PPP3CA: variants seen among roughly 807,000 people sequenced by gnomAD.
PPP3CA encodes CAM-PRP catalytic subunit.
A neutral mutation model predicts 66.5 loss-of-function variants in PPP3CA; 14 were observed. The ratio of observed to expected loss-of-function variants is 0.21; its 90% confidence interval spans 0.14 to 0.33. The LOEUF is 0.33. Among genes scored for constraint, PPP3CA ranks in the 10% least tolerant of loss-of-function variants. PPP3CA has a pLI of 1.00. For synonymous variants in PPP3CA, 232 were observed against 226.2 expected, an observed-to-expected ratio of 1.03 and a Z score of -0.23; for missense variants, 317 against 639.5, an observed-to-expected ratio of 0.50 and a Z score of 5.44.
At chr4:101,240,961 C>T (rs1726287017) in intron 1 of PPP3CA, 1 of 152,018 alleles carries the variant, frequency 6.6e-6, no homozygotes, top group African/African-American at 2.4e-5. Flanking sequence ...CCTTGACCTC[C>T]CAGGCTTAAG....
intron 1 of PPP3CA, among the ~76,000 whole-genome samples, chr4:101,339,322 A>C (rs3974659): frequency 0.11 from 16,159 of 152,174 alleles, 2,915 homozygotes; most frequent in African/African-American, 0.37. Context: ...ATAATCAAAC[A>C]CTCAGTGATT....
intron 1 of PPP3CA, among the ~76,000 whole-genome samples, chr4:101,318,738 G>T (rs1428688549): frequency 6.6e-6 from 1 of 152,064 alleles, no homozygotes; most frequent in Non-Finnish European, 1.5e-5. Context: ...TCTTAAAGTT[G>T]GGGTCCAAAA....
chr4:101,304,723 G>C (rs1354247440), intron 1 of PPP3CA, among the ~76,000 whole-genome samples: 3 of 152,064 alleles, frequency 2.0e-5, no homozygotes, highest in Admixed American at 6.6e-5. Flanking sequence ...AAACTTCTAG[G>C]ATAGTCACAG....
intron 1 of PPP3CA, among the ~76,000 whole-genome samples, chr4:101,285,613 GT>G (rs1727821496): frequency 7.2e-6 from 1 of 139,116 alleles, no homozygotes; most frequent in Non-Finnish European, 1.5e-5. Context: ...GTGTGTGTGT[GT>G]GTGTGTGTGT....
intron 8 of PPP3CA, among the ~76,000 whole-genome samples, chr4:101,077,919 A>G (rs1231696108): frequency 6.6e-6 from 1 of 151,970 alleles, no homozygotes; most frequent in Non-Finnish European, 1.5e-5. Context: ...TACTGGTCTC[A>G]GGCAAAACTG....
intron 1 of PPP3CA, among the ~76,000 whole-genome samples, chr4:101,328,405 T>C (rs897655111): frequency 5.3e-5 from 8 of 152,164 alleles, no homozygotes; most frequent in African/African-American, 1.9e-4. Context: ...AAGTAGTAAA[T>C]GAAAAATTCT....
chr4:101,253,733 C>T (rs1726749560), intron 1 of PPP3CA, among the ~76,000 whole-genome samples: 1 of 152,040 alleles, frequency 6.6e-6, no homozygotes, highest in African/African-American at 2.4e-5. Flanking sequence ...TAAGAGCTTA[C>T]TCCATCCTCT....
At chr4:101,324,154 G>GGGAGGAAGGGAGGA (rs1729130998) in intron 1 of PPP3CA, among the ~76,000 whole-genome samples, 4 of 66,484 alleles carry the variant, frequency 6.0e-5, no homozygotes, top group African/African-American at 2.0e-4. Context: ...GGAAGGGAGG[G>GGGAGGAAGGGAGGA]AGGAAGGAAG....
chr4:101,199,882 T>A (rs540365468), intron 1 of PPP3CA, among the ~76,000 whole-genome samples: 1 of 152,340 alleles, frequency 6.6e-6, no homozygotes, highest in Non-Finnish European at 1.5e-5. Flanking sequence ...CATATTGGCA[T>A]CTATATAACT....
chr4:101,190,650 T>C (rs982287386), intron 2 of PPP3CA, among the ~76,000 whole-genome samples: 1 of 152,170 alleles, frequency 6.6e-6, no homozygotes, highest in African/African-American at 2.4e-5. Flanking sequence ...TTTTGTTTGA[T>C]ACACTGTTCC....
intron 1 of PPP3CA, among the ~76,000 whole-genome samples, chr4:101,320,643 G>A (rs773706298): frequency 7.2e-5 from 11 of 152,064 alleles, no homozygotes; most frequent in Non-Finnish European, 1.3e-4. Context: ...TAAAAACCTT[G>A]CCTAAAACAT....
At chr4:101,232,870 G>A (rs1726007512) in intron 1 of PPP3CA, among the ~76,000 whole-genome samples, 1 of 150,920 alleles carries the variant, frequency 6.6e-6, no homozygotes, top group Non-Finnish European at 1.5e-5. Flanking sequence ...TCTATATTCT[G>A]GTATTCTAAC....
intron 2 of PPP3CA, among the ~76,000 whole-genome samples, chr4:101,114,593 C>T (rs2110268020): frequency 6.6e-6 from 1 of 152,206 alleles, no homozygotes; most frequent in Non-Finnish European, 1.5e-5. Flanking sequence ...GATGTTTATA[C>T]ACTATCACTT....
At chr4:101,064,666 T>C (rs1445452712) in intron 8 of PPP3CA, among the ~76,000 whole-genome samples, 1 of 152,066 alleles carries the variant, frequency 6.6e-6, no homozygotes, top group Non-Finnish European at 1.5e-5. Flanking sequence ...TTTATCCCCT[T>C]TCGCCCTCTT....
intron 10 of PPP3CA, among the ~76,000 whole-genome samples, chr4:101,049,294 T>C (rs959740164): frequency 6.6e-6 from 1 of 152,034 alleles, no homozygotes; most frequent in Non-Finnish European, 1.5e-5. Flanking sequence ...GAACTTTCCA[T>C]TGATTTTTCA....
intron 2 of PPP3CA, among the ~76,000 whole-genome samples, chr4:101,193,712 A>G (rs576984821): frequency 1.3e-5 from 2 of 152,274 alleles, no homozygotes; most frequent in East Asian, 1.9e-4. Context: ...TTTTTAGGGG[A>G]AAAAAATCCT....
intron 2 of PPP3CA, among the ~76,000 whole-genome samples, chr4:101,111,953 T>C (rs564069465): frequency 7.2e-5 from 11 of 152,190 alleles, no homozygotes; most frequent in Non-Finnish European, 1.6e-4. Flanking sequence ...GAAGGCATTC[T>C]GGAGACATTC....
chr4:101,182,333 G>GTT (rs924453314), intron 2 of PPP3CA, among the ~76,000 whole-genome samples: 4 of 152,226 alleles, frequency 2.6e-5, no homozygotes, highest in Admixed American at 6.5e-5. Context: ...AAATAAAACA[G>GTT]GCTTAAGTAT....
intron 2 of PPP3CA, among the ~76,000 whole-genome samples, chr4:101,138,048 T>C (rs1440099690): frequency 6.6e-6 from 1 of 152,222 alleles, no homozygotes. Flanking sequence ...TCTTTAAGTA[T>C]TGCTTTTATC....
Sources: allele counts gnomAD v4.1 joint callset (sites outside exome capture counted in the v4.1 genomes callset), GRCh38; gene constraint gnomAD v4.1.1; transcripts MANE v1.5; gene names NCBI Gene and HGNC (gene_info 2026-07-23, HGNC 2026-07-21).